The following RSF1 variants were observed in gnomAD, a reference collection of about 807,000 sequenced individuals.
RSF1 encodes HBV pX-associated protein 8.
Under a neutral mutation model 145.2 loss-of-function variants are expected in RSF1, and 13 were observed. The observed-to-expected ratio is 0.09, with a 90% CI of 0.06 to 0.14. The LOEUF is 0.14. Ranked by LOEUF, RSF1 falls within the 10% of genes least tolerant of loss-of-function variation. The probability of loss-of-function intolerance (pLI) is 1.00; values close to 1 mark genes in which losing one functional copy is unlikely to be tolerated. For missense variants in RSF1, 1,517 were observed against 1,718.2 expected, an observed-to-expected ratio of 0.88 and a Z score of 2.07; for synonymous variants, 577 against 592.6, an observed-to-expected ratio of 0.97 and a Z score of 0.38.
chr11:77,757,394 T>C (rs1457638918), intron 2 of RSF1, among the ~76,000 whole-genome samples: 1 of 152,134 alleles, frequency 6.6e-6, no homozygotes, highest in Non-Finnish European at 1.5e-5. Flanking sequence ...GCAAATAGTC[T>C]TGGGGCCAAG....
chr11:77,794,747 T>C (rs922032885), intron 1 of RSF1, among the ~76,000 whole-genome samples: 7 of 152,116 alleles, frequency 4.6e-5, no homozygotes, highest in Non-Finnish European at 7.4e-5. Flanking sequence ...AACATCATAC[T>C]GAATATGTAC....
At chr11:77,719,327 T>C (rs536291444) in intron 5 of RSF1, among the ~76,000 whole-genome samples, 10 of 152,344 alleles carry the variant, frequency 6.6e-5, no homozygotes, top group East Asian at 1.9e-4. Flanking sequence ...TTCTTGGTCT[T>C]TGTTATTCCA....
the RSF1 span, chr11:77,869,312 C>CTT: frequency 0.12 from 14,866 of 126,708 alleles, 1,092 homozygotes; most frequent in Admixed American, 0.17. Context: ...ATCTCTTTTT[C>CTT]TTTTTTTTTT....
chr11:77,802,604 C>G (rs1294409019), intron 1 of RSF1, among the ~76,000 whole-genome samples: 1 of 152,064 alleles, frequency 6.6e-6, no homozygotes, highest in Non-Finnish European at 1.5e-5. Context: ...AATGCAATGG[C>G]GCGATCTCAG....
intron 3 of RSF1, among the ~76,000 whole-genome samples, chr11:77,742,273 G>A (rs954129511): frequency 2.0e-5 from 3 of 151,950 alleles, no homozygotes; most frequent in Non-Finnish European, 4.4e-5. Flanking sequence ...CAGCGTGCAA[G>A]GGTTCCCTTT....
chr11:77,855,765 G>A, the RSF1 span, among the ~76,000 whole-genome samples: 18 of 134,650 alleles, frequency 1.3e-4, no homozygotes, highest in African/African-American at 4.8e-4. Context: ...TAGGCTGCTA[G>A]AGGCAGCCAG....
chr11:77,759,685 T>G (rs1463091996), intron 2 of RSF1, among the ~76,000 whole-genome samples: 1 of 152,056 alleles, frequency 6.6e-6, no homozygotes, highest in Non-Finnish European at 1.5e-5. Flanking sequence ...AGACTCCATC[T>G]CAAAAAGAAA....
chr11:77,796,797 C>T (rs1359814230), intron 1 of RSF1, among the ~76,000 whole-genome samples: 1 of 152,190 alleles, frequency 6.6e-6, no homozygotes, highest in African/African-American at 2.4e-5. Flanking sequence ...AGCTAATAAG[C>T]AACTTCGACA....
intron 11 of RSF1, among the ~76,000 whole-genome samples, chr11:77,679,373 A>G (rs1959797359): frequency 6.6e-6 from 1 of 152,230 alleles, no homozygotes. Flanking sequence ...CATAAATACT[A>G]TTAAGTCCTA....
At chr11:77,690,492 TG>T (rs1266069130) in intron 9 of RSF1, among the ~76,000 whole-genome samples, 1 of 152,192 alleles carries the variant, frequency 6.6e-6, no homozygotes, top group African/African-American at 2.4e-5. Context: ...GTCTCACTCT[TG>T]CCCAGGCTGC....
intron 5 of RSF1, among the ~76,000 whole-genome samples, chr11:77,721,316 T>C (rs1370351047): frequency 6.6e-6 from 1 of 152,218 alleles, no homozygotes; most frequent in African/African-American, 2.4e-5. Flanking sequence ...AGGGTAATGT[T>C]TGTTTACATC....
At chr11:77,729,697 C>T (rs1322912642) in intron 4 of RSF1, among the ~76,000 whole-genome samples, 1 of 151,826 alleles carries the variant, frequency 6.6e-6, no homozygotes, top group Non-Finnish European at 1.5e-5. Context: ...GACTTTGTGA[C>T]TCTGTATTAT....
At chr11:77,721,248 T>G (rs1482963514) in intron 5 of RSF1, among the ~76,000 whole-genome samples, 7 of 152,228 alleles carry the variant, frequency 4.6e-5, no homozygotes, top group Admixed American at 4.6e-4. Context: ...TCCCCAGGAC[T>G]GTTTCCAGCT....
intron 1 of RSF1, among the ~76,000 whole-genome samples, chr11:77,806,803 G>T (rs1046397471): frequency 6.6e-6 from 1 of 151,606 alleles, no homozygotes; most frequent in East Asian, 1.9e-4. Flanking sequence ...GGAGGAGGGG[G>T]TGAGAATTCA....
chr11:77,696,429 GATTT>G (rs1013860366), intron 7 of RSF1, among the ~76,000 whole-genome samples: 1 of 152,140 alleles, frequency 6.6e-6, no homozygotes, highest in Non-Finnish European at 1.5e-5. Flanking sequence ...ATATTCTTAT[GATTT>G]AACATATAAT....
At chr11:77,687,508 C>T (rs570052671) in intron 9 of RSF1, among the ~76,000 whole-genome samples, 4 of 152,064 alleles carry the variant, frequency 2.6e-5, no homozygotes, top group South Asian at 2.1e-4. Context: ...GCATTTGAGA[C>T]CAAGCTGGCC....
upstream of RSF1, chr11:77,820,960 C>T (rs1948870860): frequency 3.6e-6 from 2 of 549,022 alleles, no homozygotes; most frequent in African/African-American, 2.0e-5. Flanking sequence ...TTTCCGCCCC[C>T]TTCTCTCCTC....
chr11:77,799,506 A>C (rs1241882246), intron 1 of RSF1, among the ~76,000 whole-genome samples: 5 of 146,950 alleles, frequency 3.4e-5, no homozygotes, highest in Non-Finnish European at 7.6e-5. Context: ...CCTGTCTCCA[A>C]AAAAAAAAAA....
chr11:77,700,682 G>C (rs1960397035), intron 6 of RSF1, 39 bp downstream of exon 6: 1 of 1,434,860 alleles, frequency 7.0e-7, no homozygotes, highest in Non-Finnish European at 9.3e-7. Context: ...TTAATATATA[G>C]AGACAAATAT....
Sources: gnomAD v4.1 joint callset for allele counts (sites outside exome capture counted in the v4.1 genomes callset) on GRCh38, gnomAD v4.1.1 for gene constraint, MANE v1.5 for transcripts, NCBI Gene and HGNC (gene_info 2026-07-23, HGNC 2026-07-21) for gene names.